The following LRMDA variants were observed in gnomAD, a reference collection of about 807,000 sequenced individuals.
LRMDA encodes the protein leucine rich melanocyte differentiation associated.
Under a neutral mutation model 29.8 loss-of-function variants are expected in LRMDA, and 18 were observed. That is an observed-to-expected ratio of 0.60 (90% CI 0.42 to 0.90). The LOEUF (loss-of-function observed/expected upper bound fraction) is 0.90. Ranked by LOEUF, LRMDA falls within the 40% of genes least tolerant of loss-of-function variation. The probability of loss-of-function intolerance (pLI) is 0.00; values close to 1 mark genes in which losing one functional copy is unlikely to be tolerated. For synonymous variants in LRMDA, 125 were observed against 109.4 expected, an observed-to-expected ratio of 1.14 and a Z score of -0.89; for missense variants, 273 against 273.9, an observed-to-expected ratio of 1.00 and a Z score of 0.02.
At chr10:75,536,117 A>G (rs1407163549) in intron 2 of LRMDA, among the ~76,000 whole-genome samples, 1 of 152,034 alleles carries the variant, frequency 6.6e-6, no homozygotes, top group East Asian at 1.9e-4. Context: ...GGCTTTGCTC[A>G]CATTGGCCCC....
At chr10:75,830,772 T>C (rs895779513) in intron 2 of LRMDA, among the ~76,000 whole-genome samples, 3 of 152,138 alleles carry the variant, frequency 2.0e-5, no homozygotes, top group African/African-American at 4.8e-5. Flanking sequence ...TCTCATATCT[T>C]CACATTTCAA....
chr10:76,056,070 A>G (rs1848610261), intron 4 of LRMDA, among the ~76,000 whole-genome samples: 1 of 152,236 alleles, frequency 6.6e-6, no homozygotes, highest in African/African-American at 2.4e-5. Context: ...TGAGCAAGGC[A>G]AAGAGGTGCT....
intron 2 of LRMDA, among the ~76,000 whole-genome samples, chr10:75,687,912 A>G (rs1842101930): frequency 6.6e-6 from 1 of 152,226 alleles, no homozygotes; most frequent in African/African-American, 2.4e-5. Context: ...TGGAACAACA[A>G]AGTGTAGATT....
intron 6 of LRMDA, among the ~76,000 whole-genome samples, chr10:76,353,615 G>A (rs1287875906): frequency 2.0e-5 from 3 of 152,056 alleles, no homozygotes; most frequent in African/African-American, 7.2e-5. Flanking sequence ...GAGATGTGAA[G>A]AGAACAAGTT....
At chr10:76,462,059 CAAA>C (rs386371868) in intron 6 of LRMDA, among the ~76,000 whole-genome samples, 7 of 122,122 alleles carry the variant, frequency 5.7e-5, no homozygotes, top group African/African-American at 9.3e-5. Flanking sequence ...AACTCTGTCT[CAAA>C]AAAAAAAAAA....
intron 2 of LRMDA, among the ~76,000 whole-genome samples, chr10:75,714,351 G>A (rs1448404303): frequency 1.3e-5 from 2 of 152,230 alleles, no homozygotes; most frequent in African/African-American, 4.8e-5. Context: ...CAGCCTGGAA[G>A]CCATGCTACC....
intron 2 of LRMDA, among the ~76,000 whole-genome samples, chr10:75,462,891 G>A (rs1844604127): frequency 6.6e-6 from 1 of 152,110 alleles, no homozygotes; most frequent in South Asian, 2.1e-4. Flanking sequence ...TTCTTTTTCG[G>A]TTATATTCCT....
At chr10:75,977,078 A>C (rs1847085608) in intron 2 of LRMDA, among the ~76,000 whole-genome samples, 1 of 151,002 alleles carries the variant, frequency 6.6e-6, no homozygotes, top group Admixed American at 6.6e-5. Context: ...TGCTATTTAT[A>C]CTTTATACTA....
At chr10:75,614,159 A>G (rs1841069835) in intron 2 of LRMDA, among the ~76,000 whole-genome samples, 1 of 150,638 alleles carries the variant, frequency 6.6e-6, no homozygotes, top group Admixed American at 6.6e-5. Context: ...GTTCTTTCTC[A>G]CTCTTCCCTC....
intron 5 of LRMDA, among the ~76,000 whole-genome samples, chr10:76,290,411 C>CTTTT (rs11321369): frequency 6.6e-4 from 51 of 76,752 alleles, no homozygotes; most frequent in East Asian, 1.6e-3. Context: ...TTTATTTTCT[C>CTTTT]TTTTTTTTTT....
intron 6 of LRMDA, among the ~76,000 whole-genome samples, chr10:76,397,977 T>C (rs1841806566): frequency 2.0e-5 from 3 of 152,202 alleles, no homozygotes. Context: ...CAATCAGGCT[T>C]TCTCTAAATA....
intron 2 of LRMDA, among the ~76,000 whole-genome samples, chr10:75,741,005 A>G (rs1423102237): frequency 1.3e-5 from 2 of 152,130 alleles, no homozygotes; most frequent in Non-Finnish European, 2.9e-5. Flanking sequence ...TTACTTGGCC[A>G]GTTTGTGGGG....
chr10:76,156,053 T>C (rs939475068), intron 5 of LRMDA, among the ~76,000 whole-genome samples: 2 of 152,166 alleles, frequency 1.3e-5, no homozygotes, highest in Admixed American at 6.6e-5. Context: ...AAAAATCACT[T>C]TCTCCATCTG....
chr10:76,388,390 G>T (rs1347992936), intron 6 of LRMDA, among the ~76,000 whole-genome samples: 1 of 152,168 alleles, frequency 6.6e-6, no homozygotes, highest in Non-Finnish European at 1.5e-5. Context: ...AGACATGAAT[G>T]CTAGGGCTGA....
At chr10:75,522,691 A>G (rs1845374108) in intron 2 of LRMDA, among the ~76,000 whole-genome samples, 1 of 152,244 alleles carries the variant, frequency 6.6e-6, no homozygotes. Flanking sequence ...TGGGATTCCC[A>G]TACCTTCTAT....
chr10:76,112,394 G>A (rs1326868918), intron 5 of LRMDA, among the ~76,000 whole-genome samples: 4 of 152,228 alleles, frequency 2.6e-5, no homozygotes, highest in African/African-American at 9.6e-5. Context: ...TGGACAGAGT[G>A]GAGCCGGCGC....
chr10:75,568,567 T>G (rs2132068396), intron 2 of LRMDA, among the ~76,000 whole-genome samples: 1 of 152,284 alleles, frequency 6.6e-6, no homozygotes, highest in South Asian at 2.1e-4. Flanking sequence ...GTCAGAAGCC[T>G]TGGTTTCTAG....
intron 2 of LRMDA, among the ~76,000 whole-genome samples, chr10:75,442,978 G>T (rs898651799): frequency 1.3e-5 from 2 of 151,716 alleles, no homozygotes; most frequent in African/African-American, 4.8e-5. Context: ...ATTTTTTCAT[G>T]TTATTGTAAA....
chr10:76,421,341 C>G (rs1016731326), intron 6 of LRMDA, among the ~76,000 whole-genome samples: 3 of 152,126 alleles, frequency 2.0e-5, no homozygotes, highest in African/African-American at 7.2e-5. Context: ...TACACTTTCT[C>G]TTATGGCTAG....
Sources: gnomAD v4.1 joint callset for allele counts (sites outside exome capture counted in the v4.1 genomes callset) on GRCh38, gnomAD v4.1.1 for gene constraint, MANE v1.5 for transcripts, NCBI Gene and HGNC (gene_info 2026-07-23, HGNC 2026-07-21) for gene names.